Variants in MACF1 observed in about 807,000 individuals in gnomAD.
MACF1 encodes the protein microtubule actin crosslinking factor 1.
A neutral mutation model predicts 854.8 loss-of-function variants in MACF1; 193 were observed. The observed-to-expected ratio is 0.23, with a 90% CI of 0.20 to 0.25. The LOEUF (loss-of-function observed/expected upper bound fraction) is 0.25. Ranked by LOEUF, MACF1 falls within the 10% of genes least tolerant of loss-of-function variation. The pLI is 1.00. For missense variants in MACF1, 7,722 were observed against 8,929.1 expected (o/e 0.86, Z 5.45); for synonymous variants, 3,185 against 3,226.7 (o/e 0.99, Z 0.44).
At chr1:39,236,719 T>C (rs764375553) in intron 2 of MACF1, among the ~76,000 whole-genome samples, 12 of 152,160 alleles carry the variant, frequency 7.9e-5, no homozygotes, top group Non-Finnish European at 1.6e-4. Flanking sequence ...TGGAGTGCAG[T>C]GGCGCAATCT....
At chr1:39,342,248 G>A (rs1032069762) in intron 40 of MACF1, among the ~76,000 whole-genome samples, 1 of 152,030 alleles carries the variant, frequency 6.6e-6, no homozygotes, top group Admixed American at 6.6e-5. Flanking sequence ...CTTATGGCTG[G>A]ATAGTATTCC....
chr1:39,105,015 G>C lies in MACF1; in HGVS notation c.220+20577G>C, dbSNP rs1180795321. ...GTCCCGCTCCCGGCGGCGTAGGTCA[G>C]CGCTGACTGGGGCTCCCGCTCGCCC... is the stretch of plus-strand genomic sequence containing the variant. On this transcript the variant is annotated intron_variant, in intron 2 of 93. Coordinates refer to the MACF1 transcript ENST00000361689. This position sits in a 1 kb window ranked among gnomAD's most constrained non-coding sequence, Gnocchi z 5.9. Among the ~76,000 whole-genome samples, 1 of 152,212 alleles carries C rather than the reference G, an allele frequency of 6.6e-6. No individual in the cohort carries two copies. Among genetic ancestry groups the C allele is most frequent in the Non-Finnish European group, 1.5e-5 (1 of 68,014 alleles).
intron 2 of MACF1, among the ~76,000 whole-genome samples, chr1:39,191,199 CTTTT>C (rs10708375): frequency 4.5e-4 from 61 of 135,440 alleles, no homozygotes; most frequent in Non-Finnish European, 4.6e-4. Flanking sequence ...TTCTTTCTTT[CTTTT>C]TTTTTTTTTT....
At chr1:39,142,948 A>G (rs1349479416) in intron 2 of MACF1, among the ~76,000 whole-genome samples, 1 of 152,180 alleles carries the variant, frequency 6.6e-6, no homozygotes, top group Non-Finnish European at 1.5e-5. Flanking sequence ...AGCTTGTTCC[A>G]CAAGGCGCTG....
In MACF1 at chr1:39,331,200, T is replaced by A. The variant is rs939610903; in HGVS notation, c.4615-3T>A. ...TTTTTTTTTTTTTTTTTTTTTTTTT[T>A]AGGAATGCAGAGCAGTTGCTGGGGT... is the stretch of plus-strand genomic sequence containing the variant. On this transcript the variant is annotated splice_region_variant and splice_polypyrimidine_tract_variant and intron_variant, in intron 36 of 100. Coordinates refer to ENST00000564288, the MANE Select transcript of MACF1 (RefSeq NM_001394062.1). The A allele has an allele frequency of 8.1e-5, 91 of 1,122,994 alleles. 1 individual carries two copies. Among genetic ancestry groups the A allele is most frequent in the Middle Eastern group, 3.1e-4 (1 of 3,272 alleles). The allele number at this position is 1,122,994 out of a possible 1,614,324, so 69.6% of individuals were successfully genotyped here. A position where few individuals can be genotyped will look rare whatever the true frequency, so the allele number is the denominator to read the frequency against.
intron 2 of MACF1, among the ~76,000 whole-genome samples, chr1:39,143,602 T>A (rs1193666483): frequency 6.6e-6 from 1 of 152,038 alleles, no homozygotes; most frequent in Non-Finnish European, 1.5e-5. Context: ...AGACCCCAAC[T>A]TCTGCCTCTC....
chr1:39,104,236 A>G (rs1397416298), intron 2 of MACF1, among the ~76,000 whole-genome samples: 1 of 152,216 alleles, frequency 6.6e-6, no homozygotes, highest in Admixed American at 6.5e-5. Context: ...TGTCACCTAC[A>G]TTGACCAGAG....
intron 58 of MACF1, chr1:39,411,785 T>C (rs755278542): frequency 1.9e-6 from 3 of 1,613,878 alleles, no homozygotes; most frequent in Non-Finnish European, 2.5e-6. Flanking sequence ...TTACTCGTAA[T>C]TAGTCATTTT....
chr1:39,268,493 T>C, intron 6 of MACF1: 2 of 1,152,308 alleles, frequency 1.7e-6, no homozygotes, highest in Non-Finnish European at 2.2e-6. Context: ...GTTGCAGCTC[T>C]GAGCCTGTAA....
intron 1 of MACF1, among the ~76,000 whole-genome samples, chr1:39,221,690 G>T (rs1644653727): frequency 6.6e-6 from 1 of 152,148 alleles, no homozygotes; most frequent in Admixed American, 6.5e-5. Flanking sequence ...AAAGGCTATT[G>T]TTTCTACCTC....
chr1:39,314,569 T>TCTCTCACA (rs1379643806), intron 26 of MACF1, among the ~76,000 whole-genome samples: 4 of 65,306 alleles, frequency 6.1e-5, no homozygotes, highest in Non-Finnish European at 1.0e-4. Flanking sequence ...TCTCTCTCTC[T>TCTCTCACA]CACACACACA....
At chr1:39,479,368 A>G (rs1027924778) in intron 97 of MACF1, among the ~76,000 whole-genome samples, 5 of 152,306 alleles carry the variant, frequency 3.3e-5, no homozygotes, top group African/African-American at 1.2e-4. Flanking sequence ...GATTTCAGTA[A>G]TGTTTTTCTC....
At chr1:39,411,758 C>T in intron 58 of MACF1, 1 of 1,613,750 alleles carries the variant, frequency 6.2e-7, no homozygotes, top group Non-Finnish European at 8.5e-7. Context: ...CTGGCTGCAT[C>T]CCAGGATGCA....
chr1:39,228,356 T>C (rs1644740744), intron 1 of MACF1, among the ~76,000 whole-genome samples: 1 of 152,084 alleles, frequency 6.6e-6, no homozygotes, highest in Non-Finnish European at 1.5e-5. Context: ...TTTTAAAGAA[T>C]AAATACCATT....
chr1:39,472,947 A>AT (rs1441190209), intron 97 of MACF1, among the ~76,000 whole-genome samples: 1 of 152,198 alleles, frequency 6.6e-6, no homozygotes, highest in African/African-American at 2.4e-5. Flanking sequence ...GATTGCCTTA[A>AT]TGCCTATGTT....
chr1:39,089,607 T>C (rs1641756306), intron 2 of MACF1, among the ~76,000 whole-genome samples: 2 of 152,178 alleles, frequency 1.3e-5, no homozygotes, highest in Admixed American at 6.5e-5. Context: ...ATGAGAGCAC[T>C]ACCTGGTCAG....
chr1:39,145,510 C>G (rs1643443923), intron 2 of MACF1, among the ~76,000 whole-genome samples: 1 of 145,852 alleles, frequency 6.9e-6, no homozygotes, highest in Non-Finnish European at 1.5e-5. Context: ...TTCAGACTAA[C>G]TCTCTGTGCT....
At chr1:39,465,230 T>TAAGACAACCAGG in intron 95 of MACF1, 118 bp downstream of exon 95, 1 of 1,007,450 alleles carries the variant, frequency 9.9e-7, no homozygotes, top group Non-Finnish European at 1.6e-6. Context: ...TCGCACCTGG[T>TAAGACAACCAGG]TGTCTTACCA....
chr1:39,191,875 A>T (rs1644258805), intron 2 of MACF1, among the ~76,000 whole-genome samples: 5 of 152,218 alleles, frequency 3.3e-5, no homozygotes, highest in African/African-American at 1.2e-4. Context: ...TGTGTTCTTA[A>T]AACTGGGCCA....
Sources: allele counts gnomAD v4.1 joint callset (sites outside exome capture counted in the v4.1 genomes callset), GRCh38; gene constraint gnomAD v4.1.1; non-coding constraint Gnocchi (gnomAD v3.1); transcripts MANE v1.5; gene names NCBI Gene and HGNC (gene_info 2026-07-23, HGNC 2026-07-21).